FNIP1: variants seen among roughly 807,000 people sequenced by gnomAD.
The protein encoded by FNIP1 is folliculin-interacting protein 1.
A neutral mutation model predicts 124.5 loss-of-function variants in FNIP1; 40 were observed. That is an observed-to-expected ratio of 0.32 (90% CI 0.25 to 0.42). The LOEUF (loss-of-function observed/expected upper bound fraction) is 0.42. FNIP1 is among the 10% of genes least tolerant of loss of function. The pLI, the probability that FNIP1 is intolerant of heterozygous loss-of-function variation, is 1.00. For missense variants in FNIP1, 1,176 were observed against 1,403.7 expected (o/e 0.84, Z 2.59); for synonymous variants, 472 against 470.6 (o/e 1.00, Z -0.04).
chr5:131,693,375 A>T (rs926489739), intron 11 of FNIP1, among the ~76,000 whole-genome samples: 4 of 120,392 alleles, frequency 3.3e-5, no homozygotes, highest in Non-Finnish European at 6.9e-5. Flanking sequence ...TACAGAGATC[A>T]ACAGAACAGA....
intron 11 of FNIP1, among the ~76,000 whole-genome samples, chr5:131,680,268 G>A (rs1039814355): frequency 1.3e-5 from 2 of 151,910 alleles, no homozygotes; most frequent in Non-Finnish European, 2.9e-5. Context: ...TAACACCTAG[G>A]AGCCAAAAAA....
At chr5:131,703,383 T>C (rs564040410) in intron 10 of FNIP1, among the ~76,000 whole-genome samples, 72 of 152,376 alleles carry the variant, frequency 4.7e-4, no homozygotes, top group Middle Eastern at 3.4e-3. Context: ...AATGTCCTTC[T>C]TCCTCCACTG....
chr5:131,796,818 A>G lies in FNIP1; in HGVS notation c.92+12T>C, dbSNP rs1348781205. On this transcript the variant is annotated intron_variant, in intron 1 of 17. Transcript: ENST00000510461. The stretch of plus-strand genomic sequence containing the variant: ...CCATCGGCTCCGCGACCCCCGCCCC[A>G]CAGCGCCCTACCTGAACCCGCAATC... 7 of 1,567,674 alleles carry G rather than the reference A, an allele frequency of 4.5e-6. No individual in the cohort carries two copies. The highest frequency in any genetic ancestry group is 5.2e-6 in the Non-Finnish European group (6 of 1,157,348).
At chr5:131,689,413 T>C (rs1053733974) in intron 11 of FNIP1, among the ~76,000 whole-genome samples, 14 of 152,202 alleles carry the variant, frequency 9.2e-5, no homozygotes, top group Admixed American at 8.5e-4. Context: ...TTCATTTTCC[T>C]TATTCTAAAT....
At chr5:131,755,007 C>T (rs1248417592) in intron 1 of FNIP1, among the ~76,000 whole-genome samples, 1 of 152,072 alleles carries the variant, frequency 6.6e-6, no homozygotes, top group African/African-American at 2.4e-5. Flanking sequence ...AAGGAGATAC[C>T]ATTAACCAAG....
At chr5:131,716,421 T>C in intron 6 of FNIP1, 144 bp downstream of exon 6, 1 of 522,396 alleles carries the variant, frequency 1.9e-6, no homozygotes, top group Non-Finnish European at 3.4e-6. Flanking sequence ...TTATACATAC[T>C]GGCAATTTAA....
At chr5:131,739,492 T>C (rs1409523826) in intron 2 of FNIP1, among the ~76,000 whole-genome samples, 1 of 152,192 alleles carries the variant, frequency 6.6e-6, no homozygotes, top group Non-Finnish European at 1.5e-5. Context: ...TTTTGTTCCA[T>C]TAGTCTATTG....
rs1415502755 is a variant in FNIP1 at position 131,671,776 on chromosome 5, T to C, written c.2668A>G (p.Thr890Ala). ...GTTTTACATGAATCTTGGGGAACTG[T>C]TTCTATACATTTACAAAATTCATTG... ...QNNEFCKCIETVPQDSCKTCF... is the reference protein window; with the variant it reads ...QNNEFCKCIEAVPQDSCKTCF... Residue 890 changes from threonine to alanine, a missense_variant, in exon 14 of 18, where the codon ACA becomes GCA. Physicochemically the swap from Thr to Ala is moderately conservative, Grantham distance 58 (BLOSUM62 0). Around this residue, in one of 2 missense-constraint regions of FNIP1, gnomAD observed 1,109 missense variants for 1,288.5 expected, o/e 0.86. Transcript: ENST00000510461. The C allele has an allele frequency of 1.2e-6, 2 of 1,613,994 alleles. No individual in the cohort carries two copies. Among genetic ancestry groups the C allele is most frequent in the African/African-American group, 2.7e-5 (2 of 74,938 alleles).
chr5:131,707,606 G>A (rs1769157747), intron 8 of FNIP1, among the ~76,000 whole-genome samples: 1 of 152,118 alleles, frequency 6.6e-6, no homozygotes, highest in Admixed American at 6.5e-5. Context: ...GATTCTAAAT[G>A]CAGACCACAT....
chr5:131,647,258 A>G, intron 16 of FNIP1, 53 bp from the exon 17 acceptor site: 1 of 1,306,382 alleles, frequency 7.7e-7, no homozygotes, highest in South Asian at 1.2e-5. Flanking sequence ...TGCAACTCTC[A>G]GTCATGGCAA....
At chr5:131,770,946 T>C (rs1771611727) in intron 1 of FNIP1, among the ~76,000 whole-genome samples, 1 of 152,216 alleles carries the variant, frequency 6.6e-6, no homozygotes, top group African/African-American at 2.4e-5. Flanking sequence ...ATTCTTTTTT[T>C]TATTATTATA....
At chr5:131,730,874 T>C in intron 3 of FNIP1, 30 bp downstream of exon 3, 2 of 1,547,240 alleles carry the variant, frequency 1.3e-6, no homozygotes, top group Non-Finnish European at 1.8e-6. Flanking sequence ...TATAAATGAA[T>C]GAATAAATAA....
chr5:131,773,824 AG>A (rs1368742873), intron 1 of FNIP1, among the ~76,000 whole-genome samples: 3 of 152,156 alleles, frequency 2.0e-5, no homozygotes, highest in Admixed American at 6.5e-5. Flanking sequence ...GTTTGTGTAT[AG>A]GTTTTACCAG....
intron 8 of FNIP1, 94 bp downstream of exon 8, chr5:131,709,107 T>TA: frequency 1.0e-6 from 1 of 960,412 alleles, no homozygotes; most frequent in East Asian, 2.4e-5. Context: ...CTAATATCAA[T>TA]ATGAACAAAT....
intron 3 of FNIP1, among the ~76,000 whole-genome samples, chr5:131,726,106 T>C (rs1426048523): frequency 1.3e-5 from 2 of 152,212 alleles, no homozygotes; most frequent in East Asian, 1.9e-4. Flanking sequence ...CAGTATTTTA[T>C]TGAGGATTTT....
chr5:131,693,526 A>C (rs888619917), intron 11 of FNIP1, among the ~76,000 whole-genome samples: 12 of 151,560 alleles, frequency 7.9e-5, no homozygotes, highest in Non-Finnish European at 1.5e-4. Flanking sequence ...CTGGACATCC[A>C]CATGTAAAAG....
chr5:131,706,667 A>T, intron 8 of FNIP1, 121 bp from the exon 9 acceptor site: 1 of 1,029,350 alleles, frequency 9.7e-7, no homozygotes, highest in South Asian at 2.4e-5. Context: ...GAGCCTCAAA[A>T]ATGTTCATTA....
At chr5:131,765,509 G>C (rs943099069) in intron 1 of FNIP1, among the ~76,000 whole-genome samples, 2 of 151,902 alleles carry the variant, frequency 1.3e-5, no homozygotes, top group African/African-American at 4.8e-5. Flanking sequence ...GATGAGTTGA[G>C]AAATCCAGCA....
At chr5:131,747,851 T>C (rs1372245863) in intron 1 of FNIP1, among the ~76,000 whole-genome samples, 1 of 152,128 alleles carries the variant, frequency 6.6e-6, no homozygotes, top group African/African-American at 2.4e-5. Flanking sequence ...TTTACATATA[T>C]GCTGATGACA....
Sources: gnomAD v4.1 joint callset for allele counts (sites outside exome capture counted in the v4.1 genomes callset) on GRCh38, gnomAD v4.1.1 for gene constraint, gnomAD v4.1.1 regional missense constraint, MANE v1.5 for transcripts, NCBI Gene and HGNC (gene_info 2026-07-23, HGNC 2026-07-21) for gene names.